GABBR2: variants seen among roughly 807,000 people sequenced by gnomAD.
GABBR2 encodes the protein gamma-aminobutyric acid type B receptor subunit 2, also known as G-protein coupled receptor 51.
A neutral mutation model predicts 105.6 loss-of-function variants in GABBR2; 23 were observed. The ratio of observed to expected loss-of-function variants is 0.22; its 90% CI spans 0.16 to 0.31. The LOEUF (loss-of-function observed/expected upper bound fraction) is 0.31, where lower values mean the gene tolerates loss of function less well. GABBR2 is among the 10% of genes least tolerant of loss of function. GABBR2 has a pLI of 1.00. For synonymous variants in GABBR2, 478 were observed against 499.7 expected (o/e 0.96, Z 0.58); for missense variants, 734 against 1,245.5 (o/e 0.59, Z 6.18).
intron 5 of GABBR2, among the ~76,000 whole-genome samples, chr9:98,474,596 A>T (rs1826750164): frequency 6.6e-6 from 1 of 152,152 alleles, no homozygotes; most frequent in South Asian, 2.1e-4. Context: ...AATCCTGGGG[A>T]GTCACCCACA....
rs146146178 is a variant in GABBR2 at position 98,471,263 on chromosome 9, A to G, written c.999+1883T>C. ...GGGATTGGGTCTCCTGGACTTTTGG[A>G]AGCCACCTCAATGGTCCTGTCCCCT... On this transcript the variant is annotated intron_variant, in intron 6 of 18. Coordinates refer to ENST00000259455, the MANE Select transcript of GABBR2 (RefSeq NM_005458.8). Among the ~76,000 whole-genome samples the G allele has an allele frequency of 4.1e-3, 624 of 152,286 alleles. 3 individuals are homozygous for G. Among genetic ancestry groups the G allele is most frequent in the Non-Finnish European group, 6.9e-3 (466 of 68,022 alleles).
intron 13 of GABBR2, among the ~76,000 whole-genome samples, chr9:98,360,070 T>A (rs2131440955): frequency 6.6e-6 from 1 of 152,174 alleles, no homozygotes. Context: ...AATCCTCAGG[T>A]GCTCAGAGTC....
At chr9:98,442,918 A>G (rs1441473574) in intron 7 of GABBR2, among the ~76,000 whole-genome samples, 1 of 152,168 alleles carries the variant, frequency 6.6e-6, no homozygotes, top group African/African-American at 2.4e-5. Flanking sequence ...GTTATATTGG[A>G]TTACCTTACT....
chr9:98,502,973 C>T (rs775471629), intron 3 of GABBR2, among the ~76,000 whole-genome samples: 1 of 152,206 alleles, frequency 6.6e-6, no homozygotes, highest in East Asian at 1.9e-4. Context: ...TTTCAGGAAC[C>T]GTCTGAGGTA....
At position 98,391,972 on chromosome 9, in the gene GABBR2, C is replaced by T. The variant is rs115606944; in HGVS notation, c.1378+2203G>A. Among the ~76,000 whole-genome samples, 1,010 of 152,194 alleles carry T rather than the reference C, an allele frequency of 6.6e-3. 6 individuals are homozygous for T. The highest frequency in any genetic ancestry group is 0.023 in the African/African-American group (962 of 41,538). On this transcript the variant is annotated intron_variant, in intron 9 of 18. Transcript: ENST00000259455. ...GGGCTAGTGTAGGGGTCCGAGTGAG[C>T]GGGGCTGAGAGCTGAACCCAGGCCA... is the stretch of plus-strand genomic sequence containing the variant.
At chr9:98,670,450 T>C (rs1830393667) in intron 1 of GABBR2, among the ~76,000 whole-genome samples, 1 of 152,114 alleles carries the variant, frequency 6.6e-6, no homozygotes, top group Non-Finnish European at 1.5e-5. Flanking sequence ...CCCTAAAAAT[T>C]ATCATATGGT....
chr9:98,420,461 A>T (rs1382405663), intron 7 of GABBR2, among the ~76,000 whole-genome samples: 1 of 137,190 alleles, frequency 7.3e-6, no homozygotes, highest in East Asian at 2.2e-4. Flanking sequence ...TCATGCAAAG[A>T]GTGTGTGGCC....
At chr9:98,410,605 A>T (rs2131537343) in intron 7 of GABBR2, among the ~76,000 whole-genome samples, 1 of 150,398 alleles carries the variant, frequency 6.6e-6, no homozygotes, top group Admixed American at 6.7e-5. Context: ...TGATTCCTGA[A>T]CCGTTGGAGT....
intron 1 of GABBR2, among the ~76,000 whole-genome samples, chr9:98,624,606 G>C (rs1312641843): frequency 6.6e-6 from 1 of 151,842 alleles, no homozygotes; most frequent in African/African-American, 2.4e-5. Flanking sequence ...AGGAAGAGGA[G>C]GCAGCAAGGA....
At chr9:98,684,195 A>AAAAAAAAG (rs1830592589) in intron 1 of GABBR2, among the ~76,000 whole-genome samples, 1 of 148,012 alleles carries the variant, frequency 6.8e-6, no homozygotes, top group Non-Finnish European at 1.5e-5. Flanking sequence ...AAAAAAAAAA[A>AAAAAAAAG]TTGGTTGTGG....
intron 1 of GABBR2, among the ~76,000 whole-genome samples, chr9:98,641,291 G>A (rs891642024): frequency 2.0e-5 from 3 of 149,636 alleles, no homozygotes; most frequent in Non-Finnish European, 4.4e-5. Context: ...ACACCACCAT[G>A]CCCAGCTATT....
At chr9:98,508,278 G>C (rs1827554585) in intron 3 of GABBR2, among the ~76,000 whole-genome samples, 1 of 152,172 alleles carries the variant, frequency 6.6e-6, no homozygotes, top group Non-Finnish European at 1.5e-5. Context: ...CATTCCCTGG[G>C]GAGGAGGAGC....
intron 4 of GABBR2, among the ~76,000 whole-genome samples, chr9:98,484,666 A>T (rs1368373608): frequency 6.6e-6 from 1 of 152,118 alleles, no homozygotes; most frequent in Admixed American, 6.5e-5. Context: ...GAGCACGAGG[A>T]GGTGTCCCGA....
intron 2 of GABBR2, among the ~76,000 whole-genome samples, chr9:98,565,345 G>A (rs1828737309): frequency 6.6e-6 from 1 of 152,212 alleles, no homozygotes; most frequent in South Asian, 2.1e-4. Flanking sequence ...TTCTAGACAT[G>A]GAGGGGAAAC....
chr9:98,444,398 C>T (rs1826084460), intron 7 of GABBR2, among the ~76,000 whole-genome samples: 1 of 152,016 alleles, frequency 6.6e-6, no homozygotes, highest in Non-Finnish European at 1.5e-5. Flanking sequence ...CATAGGTGAG[C>T]AAGCCAGATG....
At chr9:98,293,525 T>C (rs1774263747) in intron 18 of GABBR2, among the ~76,000 whole-genome samples, 1 of 152,178 alleles carries the variant, frequency 6.6e-6, no homozygotes, top group Admixed American at 6.5e-5. Flanking sequence ...GTAGACAACA[T>C]GGGATTTGAT....
intron 3 of GABBR2, among the ~76,000 whole-genome samples, chr9:98,511,090 G>A (rs1827631448): frequency 1.3e-5 from 2 of 152,102 alleles, no homozygotes; most frequent in South Asian, 2.1e-4. Flanking sequence ...TAGAACTCAG[G>A]ATTAAGAAAC....
At chr9:98,324,390 C>A (rs113282282) in intron 13 of GABBR2, among the ~76,000 whole-genome samples, 1 of 152,146 alleles carries the variant, frequency 6.6e-6, no homozygotes, top group Admixed American at 6.5e-5. Flanking sequence ...GACATGCTCA[C>A]CCTGAGCCCC....
chr9:98,322,140 C>A (rs1830833273), intron 13 of GABBR2, among the ~76,000 whole-genome samples: 1 of 152,068 alleles, frequency 6.6e-6, no homozygotes, highest in Non-Finnish European at 1.5e-5. Context: ...GCTTCCAGGC[C>A]CTCTGGGCTG....
Sources: gnomAD v4.1 joint callset for allele counts (sites outside exome capture counted in the v4.1 genomes callset) on GRCh38, gnomAD v4.1.1 for gene constraint, MANE v1.5 for transcripts, NCBI Gene and HGNC (gene_info 2026-07-23, HGNC 2026-07-21) for gene names.